The following PATJ variants were observed in gnomAD, a reference collection of about 807,000 sequenced individuals.
PATJ encodes PATJ crumbs cell polarity complex component, also known as inaD-like protein.
In PATJ, 190 loss-of-function variants were observed where a neutral mutation model predicts 224.9. That is an observed-to-expected ratio of 0.84 (90% CI 0.75 to 0.95). The LOEUF (loss-of-function observed/expected upper bound fraction) is 0.95. Ranked by LOEUF, PATJ falls within the 40% of genes least tolerant of loss-of-function variation. PATJ has a pLI of 0.00. For missense variants in PATJ, 2,121 were observed against 2,270.3 expected, an observed-to-expected ratio of 0.93 and a Z score of 1.34; for synonymous variants, 769 against 820.3, an observed-to-expected ratio of 0.94 and a Z score of 1.07.
intron 41 of PATJ, among the ~76,000 whole-genome samples, chr1:62,131,258 T>C (rs1666228563): frequency 6.6e-6 from 1 of 152,098 alleles, no homozygotes; most frequent in Non-Finnish European, 1.5e-5. Flanking sequence ...CTTTCTGAAA[T>C]GGGTGGCTGT....
intron 7 of PATJ, among the ~76,000 whole-genome samples, chr1:61,783,556 C>T (rs989567894): frequency 6.6e-6 from 1 of 151,370 alleles, no homozygotes; most frequent in Non-Finnish European, 1.5e-5. Flanking sequence ...GCTGGGATTA[C>T]AGGCATGAGC....
chr1:61,968,734 C>T (rs991174483), intron 27 of PATJ, among the ~76,000 whole-genome samples: 12 of 152,002 alleles, frequency 7.9e-5, no homozygotes, highest in African/African-American at 2.2e-4. Flanking sequence ...GACAGGCCCC[C>T]GTGTGTGATG....
intron 14 of PATJ, among the ~76,000 whole-genome samples, chr1:61,811,783 T>C (rs1364388388): frequency 4.0e-5 from 6 of 150,162 alleles, no homozygotes; most frequent in Non-Finnish European, 7.4e-5. Flanking sequence ...AAATCTAGGC[T>C]GGACGCGGTG....
chr1:61,797,156 G>T (rs951396175), intron 10 of PATJ, 131 bp from the exon 11 acceptor site: 16 of 1,026,640 alleles, frequency 1.6e-5, no homozygotes, highest in Non-Finnish European at 1.9e-5. Flanking sequence ...TTACAGGCGT[G>T]AGCCACCACA....
At chr1:62,028,998 C>CATACATACAT (rs1648647327) in intron 29 of PATJ, among the ~76,000 whole-genome samples, 6 of 17,886 alleles carry the variant, frequency 3.4e-4, no homozygotes, top group Non-Finnish European at 7.1e-4. Flanking sequence ...CATACATACA[C>CATACATACAT]GTATACCAGG....
At chr1:61,813,372 T>TAC (rs1655327778) in intron 14 of PATJ, among the ~76,000 whole-genome samples, 2 of 44,538 alleles carry the variant, frequency 4.5e-5, no homozygotes, top group African/African-American at 1.8e-4. Flanking sequence ...TATATATATA[T>TAC]ATATATACAC....
At chr1:62,015,287 G>C (rs1307097415) in intron 28 of PATJ, among the ~76,000 whole-genome samples, 3 of 151,596 alleles carry the variant, frequency 2.0e-5, no homozygotes, top group East Asian at 2.0e-4. Context: ...CTGGGCAACA[G>C]AGCAAGACTC....
intron 4 of PATJ, among the ~76,000 whole-genome samples, chr1:61,767,801 C>T (rs138366448): frequency 0.012 from 1,807 of 151,612 alleles, 46 homozygotes; most frequent in African/African-American, 0.041. Context: ...CTCAGCTTCC[C>T]GAGTAGCTGG....
intron 39 of PATJ, among the ~76,000 whole-genome samples, chr1:62,123,860 A>G (rs1022008530): frequency 6.6e-6 from 1 of 151,688 alleles, no homozygotes; most frequent in South Asian, 2.1e-4. Flanking sequence ...TTATAGTAAA[A>G]CATCTTTATA....
At chr1:61,778,897 C>T (rs1384619965) in intron 7 of PATJ, among the ~76,000 whole-genome samples, 1 of 152,022 alleles carries the variant, frequency 6.6e-6, no homozygotes, top group African/African-American at 2.4e-5. Context: ...GATGGGGTTT[C>T]ACTATGTTGG....
chr1:61,767,643 A>G (rs1646355881), intron 4 of PATJ, among the ~76,000 whole-genome samples: 1 of 151,406 alleles, frequency 6.6e-6, no homozygotes, highest in Non-Finnish European at 1.5e-5. Context: ...TTTTGACTTT[A>G]TAGTTCTATC....
chr1:62,048,671 A>G (rs1387827249), intron 30 of PATJ, among the ~76,000 whole-genome samples: 1 of 152,070 alleles, frequency 6.6e-6, no homozygotes, highest in African/African-American at 2.4e-5. Context: ...ATATTAACTC[A>G]TTAATCTTTT....
At chr1:61,928,402 G>A (rs1243610383) in intron 27 of PATJ, among the ~76,000 whole-genome samples, 2 of 152,176 alleles carry the variant, frequency 1.3e-5, no homozygotes, top group Non-Finnish European at 2.9e-5. Context: ...TGGAGGTGAT[G>A]AAATGTTCTA....
At chr1:61,849,403 G>C (rs1662464746) in intron 17 of PATJ, among the ~76,000 whole-genome samples, 1 of 152,112 alleles carries the variant, frequency 6.6e-6, no homozygotes, top group Non-Finnish European at 1.5e-5. Flanking sequence ...GAGATCTGCT[G>C]AGCAACACAG....
chr1:62,017,131 G>A (rs796721786), intron 28 of PATJ, among the ~76,000 whole-genome samples: 34 of 152,246 alleles, frequency 2.2e-4, no homozygotes, highest in African/African-American at 5.3e-4. Flanking sequence ...TTTAGCATTT[G>A]AGAGTCCTAA....
At chr1:62,114,539 G>A (rs927256574) in intron 35 of PATJ, 1 of 252,358 alleles carries the variant, frequency 4.0e-6, no homozygotes, top group Non-Finnish European at 7.4e-6. Flanking sequence ...GTTTTGCAGA[G>A]GTTGATTAAA....
intron 42 of PATJ, among the ~76,000 whole-genome samples, chr1:62,152,668 T>G (rs1206071433): frequency 4.1e-5 from 6 of 147,900 alleles, no homozygotes; most frequent in African/African-American, 9.9e-5. Context: ...AAAAAAAAGG[T>G]AAAAGAAAAG....
intron 43 of PATJ, among the ~76,000 whole-genome samples, chr1:62,153,731 T>G (rs1444680949): frequency 1.3e-5 from 2 of 151,990 alleles, no homozygotes; most frequent in South Asian, 2.1e-4. Flanking sequence ...ATTTTTAGAG[T>G]GTCTTCTTTC....
At chr1:61,900,841 G>A (rs1280010933) in intron 23 of PATJ, among the ~76,000 whole-genome samples, 1 of 152,102 alleles carries the variant, frequency 6.6e-6, no homozygotes, top group African/African-American at 2.4e-5. Flanking sequence ...TGCCCGCCTC[G>A]GCCTCCCAAA....
Sources: allele counts gnomAD v4.1 joint callset (sites outside exome capture counted in the v4.1 genomes callset), GRCh38; gene constraint gnomAD v4.1.1; transcripts MANE v1.5; gene names NCBI Gene and HGNC (gene_info 2026-07-23, HGNC 2026-07-21).